SRPK1: variants seen among roughly 807,000 people sequenced by gnomAD.
The protein encoded by SRPK1 is SRSF protein kinase 1.
In SRPK1, 52 loss-of-function variants were observed where a neutral mutation model predicts 89.5. The ratio of observed to expected loss-of-function variants is 0.58; its 90% confidence interval spans 0.46 to 0.73. The LOEUF (loss-of-function observed/expected upper bound fraction) is 0.73. SRPK1 is among the 30% of genes least tolerant of loss of function. The pLI is 0.00. For missense variants in SRPK1, 603 were observed against 780.6 expected (o/e 0.77, Z 2.71); for synonymous variants, 255 against 270.2 (o/e 0.94, Z 0.55).
intron 12 of SRPK1, among the ~76,000 whole-genome samples, chr6:35,859,229 C>G (rs1275652760): frequency 6.6e-6 from 1 of 151,962 alleles, no homozygotes; most frequent in East Asian, 1.9e-4. Context: ...ATATGTAACA[C>G]TGAAAACAAA....
chr6:35,835,606 G>T, intron 15 of SRPK1, 118 bp from the exon 16 acceptor site: 1 of 846,854 alleles, frequency 1.2e-6, no homozygotes, highest in Non-Finnish European at 1.7e-6. Context: ...TTTGCAATCA[G>T]AATCTAATCC....
chr6:35,870,284 G>A lies in SRPK1; in HGVS notation c.988C>T (p.Leu330Phe). 6.2e-7 allele frequency: 1 copy of A among 1,611,252 alleles called. No homozygotes were observed. The highest frequency in any genetic ancestry group is 8.5e-7 in the Non-Finnish European group (1 of 1,179,034). ...NPPNKMTQEK[L>F]EESSTIGQDQ... ...TTTCGTGATGTTCTATTTATACCAA[G>A]TTTTTCTTGGGTCATTTTATTAGGT... The change falls in exon 10 of 16, where the codon CTT becomes TTT. Residue 330 changes from leucine to phenylalanine, a missense_variant. Physicochemically the swap from Leu to Phe is conservative, Grantham distance 22. Coordinates refer to ENST00000373825, the MANE Select transcript of SRPK1 (RefSeq NM_003137.5).
chr6:35,920,875 C>A, intron 1 of SRPK1, 169 bp downstream of exon 1: 1 of 659,142 alleles, frequency 1.5e-6, no homozygotes, highest in African/African-American at 1.9e-5. Flanking sequence ...GACTGAGGGG[C>A]GCGGACCCGC....
At chr6:35,880,372 G>A (rs1770245849) in intron 6 of SRPK1, among the ~76,000 whole-genome samples, 3 of 152,110 alleles carry the variant, frequency 2.0e-5, no homozygotes, top group Admixed American at 2.0e-4. Context: ...AGGCTTAAGG[G>A]ACCTGTGGGA....
chr6:35,876,759 AAAC>A (rs1770164073), intron 6 of SRPK1, among the ~76,000 whole-genome samples: 1 of 152,220 alleles, frequency 6.6e-6, no homozygotes, highest in Non-Finnish European at 1.5e-5. Flanking sequence ...CCAAATACAA[AAAC>A]AACAGAAGAC....
intron 6 of SRPK1, among the ~76,000 whole-genome samples, chr6:35,880,423 A>G (rs1770248704): frequency 6.6e-6 from 1 of 151,986 alleles, no homozygotes; most frequent in Non-Finnish European, 1.5e-5. Context: ...GCAGTCCCAG[A>G]AGAAGAATAG....
chr6:35,898,879 G>A (rs1438161982), intron 2 of SRPK1, among the ~76,000 whole-genome samples: 1 of 152,054 alleles, frequency 6.6e-6, no homozygotes, highest in African/African-American at 2.4e-5. Context: ...ATCCTACACA[G>A]ACACCGGGCG....
At position 35,834,917 on chromosome 6, in the gene SRPK1, T is replaced by C. The variant is rs1769142824; in HGVS notation, c.*387A>G. 6.2e-6 allele frequency: 1 copy of C among 160,220 alleles called. No homozygotes were observed. The highest frequency in any genetic ancestry group is 1.4e-5 in the Non-Finnish European group (1 of 72,502). 9.9% of individuals were successfully genotyped at this position (160,220 alleles called of 1,614,324 possible). A position where few individuals can be genotyped will look rare whatever the true frequency, so the allele number is the denominator to read the frequency against. ...CCTCATCCTTATGCTGGCAATAGGATATGCACTAGAAAATTTGACTCTTAG... is the reference window on the plus strand; with the variant it reads ...CCTCATCCTTATGCTGGCAATAGGACATGCACTAGAAAATTTGACTCTTAG... On this transcript the variant is annotated 3_prime_UTR_variant, in exon 16 of 16. Coordinates refer to ENST00000373825, the MANE Select transcript of SRPK1 (RefSeq NM_003137.5).
At chr6:35,920,658 G>A in intron 1 of SRPK1, 130 bp from the exon 2 acceptor site, 1 of 566,320 alleles carries the variant, frequency 1.8e-6, no homozygotes, top group Non-Finnish European at 2.4e-6. Flanking sequence ...GGGCTCCGGC[G>A]AGGCGGCCGG....
At chr6:35,902,245 A>G (rs1010679184) in intron 2 of SRPK1, among the ~76,000 whole-genome samples, 4 of 150,602 alleles carry the variant, frequency 2.7e-5, no homozygotes, top group Non-Finnish European at 5.9e-5. Flanking sequence ...AAAAAAAAAA[A>G]AAAAAAAGAA....
At chr6:35,881,644 T>C (rs756178807) in intron 6 of SRPK1, among the ~76,000 whole-genome samples, 6 of 152,006 alleles carry the variant, frequency 3.9e-5, no homozygotes, top group Non-Finnish European at 7.4e-5. Flanking sequence ...GAAAAAGTTA[T>C]AAGAGATAAA....
At chr6:35,874,411 C>T in intron 6 of SRPK1, 72 bp from the exon 7 acceptor site, 1 of 970,244 alleles carries the variant, frequency 1.0e-6, no homozygotes, top group Non-Finnish European at 1.6e-6. Flanking sequence ...GAATTCCACC[C>T]TATTAAATGT....
At chr6:35,873,246 G>C (rs1770072395) in intron 7 of SRPK1, among the ~76,000 whole-genome samples, 1 of 152,112 alleles carries the variant, frequency 6.6e-6, no homozygotes. Flanking sequence ...AAATGCCTAT[G>C]AATCATGCTG....
intron 15 of SRPK1, among the ~76,000 whole-genome samples, chr6:35,836,786 A>ATT (rs1251216233): frequency 7.5e-6 from 1 of 134,160 alleles, no homozygotes. Context: ...AATAATAATA[A>ATT]TTTTTTTTAA....
chr6:35,856,028 C>T (rs1024678947), intron 13 of SRPK1, among the ~76,000 whole-genome samples: 1 of 152,128 alleles, frequency 6.6e-6, no homozygotes, highest in African/African-American at 2.4e-5. Flanking sequence ...TGGCCAGCCC[C>T]TATATAGTTT....
intron 6 of SRPK1, among the ~76,000 whole-genome samples, chr6:35,879,822 A>G (rs1188109466): frequency 1.3e-5 from 2 of 152,170 alleles, no homozygotes; most frequent in African/African-American, 2.4e-5. Flanking sequence ...CTGTAACCCT[A>G]TCACTTTCAG....
rs1554152663 is a variant in SRPK1 at position 35,880,746 on chromosome 6, A to AAAAAGAAAGAAAGAAAGAAAG, written c.478+5977_478+5978insCTTTCTTTCTTTCTTTCTTTT. On this transcript the variant is annotated intron_variant, in intron 6 of 15. Coordinates refer to ENST00000373825, the MANE Select transcript of SRPK1 (RefSeq NM_003137.5). ...AAAAAAAAAAAAAAGAAAAAAAAAA[A>AAAAAGAAAGAAAGAAAGAAAG]AAAAGAAAAGAAAAGAAGAAGAAAT... Among the ~76,000 whole-genome samples, 18 of 89,198 alleles carry AAAAAGAAAGAAAGAAAGAAAG rather than the reference A, an allele frequency of 2.0e-4. 2 individuals carry two copies. The highest frequency in any genetic ancestry group is 7.7e-4 in the African/African-American group (17 of 22,034). The allele number at this position is 89,198 out of a possible 152,430, so 58.5% of individuals were successfully genotyped here. A position where few individuals can be genotyped will look rare whatever the true frequency, so the allele number is the denominator to read the frequency against.
intron 12 of SRPK1, among the ~76,000 whole-genome samples, chr6:35,866,778 T>A (rs566956023): frequency 6.6e-6 from 1 of 152,246 alleles, no homozygotes; most frequent in East Asian, 1.9e-4. Flanking sequence ...TCAACCCAAG[T>A]GTCTAGGAGT....
intron 14 of SRPK1, 155 bp from the exon 15 acceptor site, chr6:35,838,584 C>G: frequency 7.0e-7 from 1 of 1,437,306 alleles, no homozygotes; most frequent in Non-Finnish European, 9.5e-7. Context: ...GAGGAAGACT[C>G]TATCCATCTA....
Sources: gnomAD v4.1 joint callset for allele counts (sites outside exome capture counted in the v4.1 genomes callset) on GRCh38, gnomAD v4.1.1 for gene constraint, MANE v1.5 for transcripts, NCBI Gene and HGNC (gene_info 2026-07-23, HGNC 2026-07-21) for gene names.